GCNT3: variants seen among roughly 807,000 people sequenced by gnomAD.
GCNT3 encodes glucosaminyl (N-acetyl) transferase 3, mucin type.
For synonymous variants in GCNT3, 269 were observed against 195.2 expected, an observed-to-expected ratio of 1.38 and a Z score of -3.15; for missense variants, 708 against 530.3, an observed-to-expected ratio of 1.34 and a Z score of -3.29.
chr15:59,614,716 A>G (rs2082711763), intron 1 of GCNT3, among the ~76,000 whole-genome samples: 1 of 152,202 alleles, frequency 6.6e-6, no homozygotes, highest in Non-Finnish European at 1.5e-5. Flanking sequence ...CAAGATTGTT[A>G]TGACCTGTAT....
chr15:59,618,266 C>A lies in GCNT3; in HGVS notation c.28C>A (p.Leu10Met). The A allele has an allele frequency of 6.3e-7, 1 of 1,587,088 alleles. No individual in the cohort carries two copies. The highest frequency in any genetic ancestry group is 8.6e-7 in the Non-Finnish European group (1 of 1,166,320). Residue 10 changes from leucine to methionine, a missense_variant, in exon 3 of 3, where the codon CTG becomes ATG. Physicochemically the swap from Leu to Met is conservative, Grantham distance 15. Transcript: ENST00000396065. MVQWKRLCQ[L>M]HYLWALGCYM... ...GGTTCAATGGAAGAGACTCTGCCAG[C>A]TGCATTACTTGTGGGCTCTGGGCTG... is the stretch of plus-strand genomic sequence containing the variant.
intron 1 of GCNT3, among the ~76,000 whole-genome samples, chr15:59,613,577 T>TAAATAAATAAAA (rs1187638258): frequency 6.9e-5 from 8 of 115,458 alleles, no homozygotes; most frequent in African/African-American, 2.2e-4. Context: ...AATAAATAAA[T>TAAATAAATAAAA]AAAAATAAAA....
rs1159445754 is a variant in GCNT3, at chr15:59,620,772, A to G, written c.*1217A>G. 6.0e-6 allele frequency: 1 copy of G among 166,426 alleles called. No homozygotes were observed. The highest frequency in any genetic ancestry group is 1.5e-5 in the Non-Finnish European group (1 of 68,058). The allele number at this position is 166,426 out of a possible 1,614,324, so 10.3% of individuals were successfully genotyped here. ...ATGTTTTTGTAGGGGGAGAGTCTGCACTATTAATAATTGTATTGAGAAATA... is the reference window on the plus strand; with the variant it reads ...ATGTTTTTGTAGGGGGAGAGTCTGCGCTATTAATAATTGTATTGAGAAATA... On this transcript the variant is annotated 3_prime_UTR_variant, in exon 3 of 3. Coordinates refer to ENST00000396065, the MANE Select transcript of GCNT3 (RefSeq NM_004751.3).
chr15:59,614,232 C>T (rs1366603888), intron 1 of GCNT3, among the ~76,000 whole-genome samples: 8 of 152,090 alleles, frequency 5.3e-5, no homozygotes, highest in South Asian at 2.1e-4. Context: ...TTATACTCAA[C>T]AATGGAAAGT....
chr15:59,615,199 T>C lies in GCNT3; in HGVS notation c.-250-1493T>C, dbSNP rs536654087. ...ACTTCCTGTTTGCTTCCTATCTGCT[T>C]CCTGGTTCTGTGAGCATCACCATGT... On this transcript the variant is annotated intron_variant, in intron 1 of 2. Transcript: ENST00000396065. 7.9e-5 allele frequency: 12 copies of C among 152,366 alleles called. No individual in the cohort carries two copies. The East Asian group carries it at 1.5e-3, about 20-fold the overall frequency. The allele number at this position is 152,366 out of a possible 1,614,324, so 9.4% of individuals were successfully genotyped here.
Position 59,618,179 on chromosome 15 carries a change from G to A in GCNT3, c.-60G>A. 1.1e-6 allele frequency: 1 copy of A among 923,874 alleles called. No individual in the cohort carries two copies. Among genetic ancestry groups the A allele is most frequent in the South Asian group, 1.6e-5 (1 of 61,626 alleles). The allele number at this position is 923,874 out of a possible 1,614,324, so 57.2% of individuals were successfully genotyped here. ...CTGGAGGCATTTTGTTCTGTCCAAG[G>A]ATTGTGTCCTCCTCCACCTTCCCTG... On this transcript the variant is annotated splice_region_variant and 5_prime_UTR_variant, in exon 3 of 3. Coordinates refer to ENST00000396065, the MANE Select transcript of GCNT3 (RefSeq NM_004751.3).
Position 59,621,955 on chromosome 15 carries a change from A to G in GCNT3, c.*2400A>G, listed in dbSNP as rs193299050. The G allele has an allele frequency of 1.3e-5, 2 of 152,060 alleles. No homozygotes were observed. Among genetic ancestry groups the G allele is most frequent in the Admixed American group, 6.5e-5 (1 of 15,284 alleles). 9.4% of individuals were successfully genotyped at this position (152,060 alleles called of 1,614,324 possible). A position where few individuals can be genotyped will look rare whatever the true frequency, so the allele number is the denominator to read the frequency against. On this transcript the variant is annotated 3_prime_UTR_variant, in exon 3 of 3. Transcript: ENST00000396065. ...TTTTCTGTCATGATCAACTTTCTCT[A>G]TGCAAACCCTGTAACTCTGACAGTT...
intron 1 of GCNT3, among the ~76,000 whole-genome samples, chr15:59,613,108 T>C (rs1286639792): frequency 6.6e-6 from 1 of 152,130 alleles, no homozygotes; most frequent in East Asian, 1.9e-4. Context: ...CCTTCATATG[T>C]ATCTTGTTTA....
chr15:59,613,584 A>G (rs531032538), intron 1 of GCNT3, among the ~76,000 whole-genome samples: 1 of 151,502 alleles, frequency 6.6e-6, no homozygotes, highest in South Asian at 2.1e-4. Flanking sequence ...AAATAAAAAT[A>G]AAAATAAATC....
intron 1 of GCNT3, among the ~76,000 whole-genome samples, chr15:59,613,493 G>A (rs531142111): frequency 1.3e-5 from 2 of 150,910 alleles, no homozygotes; most frequent in Admixed American, 6.6e-5. Flanking sequence ...TTGAGCTCCT[G>A]AGTTCAAGAC....
rs1329487778 is a variant in GCNT3, at chr15:59,620,011, A to G, written c.*456A>G. ...AAATAAATAGCTCCTGATTCAAAGT[A>G]TTACCTCTACTTTTTGCCTAGTATG... On this transcript the variant is annotated 3_prime_UTR_variant, in exon 3 of 3. Transcript: ENST00000396065. 4 of 171,238 alleles carry G rather than the reference A, an allele frequency of 2.3e-5. No homozygotes were observed. The highest frequency in any genetic ancestry group is 9.6e-5 in the African/African-American group (4 of 41,472). 10.6% of individuals were successfully genotyped at this position (171,238 alleles called of 1,614,324 possible).
intron 1 of GCNT3, among the ~76,000 whole-genome samples, chr15:59,612,955 G>C (rs905271402): frequency 1.3e-4 from 19 of 151,732 alleles, no homozygotes; most frequent in African/African-American, 4.1e-4. Flanking sequence ...TAACACTTCT[G>C]CTTGGTCCAG....
chr15:59,615,645 G>C (rs1459254972), intron 1 of GCNT3, among the ~76,000 whole-genome samples: 9 of 151,914 alleles, frequency 5.9e-5, no homozygotes. Flanking sequence ...CACTTTGGGA[G>C]GCCGAGGTGG....
rs929364087 is a variant in GCNT3, at chr15:59,615,656, G to C, written c.-250-1036G>C. Among the ~76,000 whole-genome samples the C allele has an allele frequency of 2.6e-5, 4 of 151,894 alleles. No individual in the cohort carries two copies. In the East Asian group the frequency reaches 7.7e-4, roughly 29 times the overall value. The stretch of plus-strand genomic sequence containing the variant: ...CCAGCACTTTGGGAGGCCGAGGTGG[G>C]AGGATCACTTGAGCCCAGGAATTTG... On this transcript the variant is annotated intron_variant, in intron 1 of 2. Transcript: ENST00000396065.
At position 59,619,386 on chromosome 15, in the gene GCNT3, C is replaced by A. The variant is rs770504759; in HGVS notation, c.1148C>A (p.Ser383Tyr). The change falls in exon 3 of 3, where the codon TCT (serine) becomes TAT (tyrosine). Residue 383 changes from serine (S) to tyrosine (Y), a missense_variant. By Grantham distance (144) the Ser-to-Tyr change is moderately radical. Coordinates refer to ENST00000396065, the MANE Select transcript of GCNT3 (RefSeq NM_004751.3). ...IDKGAPYAPCSGIHQRAICVY... is the reference protein window; with the variant it reads ...IDKGAPYAPCYGIHQRAICVY... ...AAGGGTGCTCCTTATGCTCCCTGCTCTGGAATCCACCAGCGGGCTATCTGC... is the reference window on the plus strand; with the variant it reads ...AAGGGTGCTCCTTATGCTCCCTGCTATGGAATCCACCAGCGGGCTATCTGC... 8.7e-6 allele frequency: 14 copies of A among 1,614,016 alleles called. No homozygotes were observed. The South Asian group carries it at 1.5e-4, about 18-fold the overall frequency.
intron 1 of GCNT3, among the ~76,000 whole-genome samples, chr15:59,612,486 C>T (rs2082700678): frequency 6.6e-6 from 1 of 152,154 alleles, no homozygotes; most frequent in Non-Finnish European, 1.5e-5. Flanking sequence ...CTTCATGACT[C>T]CTGGGCTGTT....
At chr15:59,616,197 C>T (rs1295640375) in intron 1 of GCNT3, among the ~76,000 whole-genome samples, 1 of 152,118 alleles carries the variant, frequency 6.6e-6, no homozygotes, top group African/African-American at 2.4e-5. Flanking sequence ...CAAAGACAGG[C>T]AAATGGATGT....
rs1345590126 is a variant in GCNT3 at position 59,618,348 on chromosome 15, C to CTG, written c.111_112dup (p.Asp38ValfsTer24). The stretch of plus-strand genomic sequence containing the variant: ...CTTTCTTTCAGGTTGAAGTGTGACT[C>CTG]TGACCACTTGGGTCTGGAGTCCAGG... On this transcript the variant is annotated frameshift_variant, in exon 3 of 3. Transcript: ENST00000396065. LOFTEE classifies it low-confidence loss of function (END_TRUNC). The CTG allele has an allele frequency of 3.7e-6, 6 of 1,613,778 alleles. No homozygotes were observed. The highest frequency in any genetic ancestry group is 5.1e-6 in the Non-Finnish European group (6 of 1,179,820).
At chr15:59,612,887 A>G (rs1336790798) in intron 1 of GCNT3, among the ~76,000 whole-genome samples, 7 of 152,016 alleles carry the variant, frequency 4.6e-5, no homozygotes, top group African/African-American at 1.7e-4. Flanking sequence ...GAGTCTCTCC[A>G]CAGAACACAG....
Sources: gnomAD v4.1 joint callset for allele counts (sites outside exome capture counted in the v4.1 genomes callset) on GRCh38, gnomAD v4.1.1 for gene constraint, MANE v1.5 for transcripts, NCBI Gene and HGNC (gene_info 2026-07-23, HGNC 2026-07-21) for gene names.